IRAK1BP1: variants seen among roughly 807,000 people sequenced by gnomAD.
The protein encoded by IRAK1BP1 is interleukin-1 receptor-associated kinase 1-binding protein 1.
In IRAK1BP1, 24 loss-of-function variants were observed where a neutral mutation model predicts 28.0. The observed-to-expected ratio is 0.86, with a 90% confidence interval of 0.62 to 1.20. The LOEUF (loss-of-function observed/expected upper bound fraction) is 1.20. Ranked by LOEUF, IRAK1BP1 falls within the 50% of genes most tolerant of loss-of-function variation. The pLI, the probability that IRAK1BP1 is intolerant of heterozygous loss-of-function variation, is 0.00. For synonymous variants in IRAK1BP1, 131 were observed against 116.3 expected, an observed-to-expected ratio of 1.13 and a Z score of -0.81; for missense variants, 336 against 316.7, an observed-to-expected ratio of 1.06 and a Z score of -0.46.
the IRAK1BP1 span, chr6:78,970,180 G>A: frequency 6.2e-7 from 1 of 1,608,632 alleles, no homozygotes; most frequent in African/African-American, 1.3e-5. Context: ...GTTCCTGAGA[G>A]AGACAGAGAA....
At chr6:78,948,699 G>A (rs932209728), downstream of IRAK1BP1, among the ~76,000 whole-genome samples, 1 of 152,084 alleles carries the variant, frequency 6.6e-6, no homozygotes, top group African/African-American at 2.4e-5. Flanking sequence ...TTAGCATGTT[G>A]CTGAGACTGG....
chr6:78,954,605 T>A, the IRAK1BP1 span, among the ~76,000 whole-genome samples: 3 of 152,166 alleles, frequency 2.0e-5, no homozygotes, highest in South Asian at 2.1e-4. Context: ...AATAACCCAA[T>A]TCTTACAGTG....
At chr6:78,918,304 A>C (rs1466782303) in intron 4 of IRAK1BP1, among the ~76,000 whole-genome samples, 1 of 152,076 alleles carries the variant, frequency 6.6e-6, no homozygotes, top group Admixed American at 6.5e-5. Context: ...CTCAAAAAAA[A>C]ATTATTTTTA....
At chr6:78,946,134 T>C in exon 5 of IRAK1BP1, 1 of 1,614,094 alleles carries the variant, frequency 6.2e-7, no homozygotes. Flanking sequence ...CAGAACTAGA[T>C]TCTGTTTTAC....
At chr6:78,876,101 G>C (rs955320153) in intron 1 of IRAK1BP1, among the ~76,000 whole-genome samples, 3 of 152,020 alleles carry the variant, frequency 2.0e-5, no homozygotes, top group Middle Eastern at 3.4e-3. Flanking sequence ...ATGTGTCAAG[G>C]GGGGGATCTG....
intron 1 of IRAK1BP1, among the ~76,000 whole-genome samples, chr6:78,869,533 ATAAAT>A (rs1331981107): frequency 6.6e-6 from 1 of 152,194 alleles, no homozygotes; most frequent in Admixed American, 6.5e-5. Context: ...TAGTAAGTAA[ATAAAT>A]TAACTAAGTC....
At chr6:78,908,492 C>G (rs1376207248) in intron 4 of IRAK1BP1, among the ~76,000 whole-genome samples, 1 of 152,046 alleles carries the variant, frequency 6.6e-6, no homozygotes, top group East Asian at 1.9e-4. Context: ...AAGACTCAAC[C>G]AACACACCTG....
chr6:78,972,795 G>C, the IRAK1BP1 span, among the ~76,000 whole-genome samples: 2 of 152,134 alleles, frequency 1.3e-5, no homozygotes, highest in Non-Finnish European at 2.9e-5. Flanking sequence ...AAGATGAAAT[G>C]AATGAAATGA....
chr6:78,894,140 T>G (rs928893662), intron 2 of IRAK1BP1, among the ~76,000 whole-genome samples: 1 of 152,074 alleles, frequency 6.6e-6, no homozygotes, highest in Non-Finnish European at 1.5e-5. Flanking sequence ...GAGTTACGGC[T>G]AATAAGTCAA....
At chr6:78,947,602 G>A (rs370407399), downstream of IRAK1BP1, 29 of 1,215,370 alleles carry the variant, frequency 2.4e-5, no homozygotes, top group African/African-American at 3.6e-4. Context: ...AGTCATAAAA[G>A]AAAATAATGT....
Position 78,883,755 on chromosome 6 carries a change from C to T in IRAK1BP1, c.316-1623C>T, listed in dbSNP as rs756631953. Among the ~76,000 whole-genome samples the T allele has an allele frequency of 6.6e-5, 10 of 152,228 alleles. No homozygotes were observed. The Middle Eastern group carries it at 0.014, about 207-fold the overall frequency. ...TTAAATGTAAAATTCCAGAAATAAT[C>T]CATAAGTTTAAAATTGTACACCATT... is the stretch of plus-strand genomic sequence containing the variant. On this transcript the variant is annotated intron_variant, in intron 1 of 3. Coordinates refer to ENST00000369940, the MANE Select transcript of IRAK1BP1 (RefSeq NM_001010844.4).
At chr6:78,948,009 TA>T (rs1055673953), downstream of IRAK1BP1, among the ~76,000 whole-genome samples, 1 of 152,110 alleles carries the variant, frequency 6.6e-6, no homozygotes, top group Non-Finnish European at 1.5e-5. Context: ...CAGAAGTTAT[TA>T]ATTTTTCACT....
At chr6:78,909,023 G>A (rs1772336838) in intron 4 of IRAK1BP1, among the ~76,000 whole-genome samples, 1 of 152,178 alleles carries the variant, frequency 6.6e-6, no homozygotes, top group African/African-American at 2.4e-5. Context: ...AGGAGTAATA[G>A]CATGAAAGGC....
intron 4 of IRAK1BP1, among the ~76,000 whole-genome samples, chr6:78,911,917 A>T (rs1207799932): frequency 6.6e-6 from 1 of 152,158 alleles, no homozygotes; most frequent in Non-Finnish European, 1.5e-5. Context: ...TTGTCTCTGT[A>T]CCTAGTACAG....
At chr6:78,945,276 T>G (rs745460278) in intron 4 of IRAK1BP1, 10 of 1,512,282 alleles carry the variant, frequency 6.6e-6, no homozygotes, top group Non-Finnish European at 9.2e-6. Context: ...TACTGTATCT[T>G]GAAAGATACA....
intron 2 of IRAK1BP1, among the ~76,000 whole-genome samples, chr6:78,892,521 T>A (rs1462834270): frequency 6.6e-6 from 1 of 152,194 alleles, no homozygotes; most frequent in African/African-American, 2.4e-5. Context: ...TTACATTTAT[T>A]TATATGAAAT....
intron 4 of IRAK1BP1, among the ~76,000 whole-genome samples, chr6:78,917,466 A>T (rs1283535453): frequency 6.6e-6 from 1 of 152,090 alleles, no homozygotes; most frequent in African/African-American, 2.4e-5. Flanking sequence ...GAAAGAGAAA[A>T]TGTAAACAAT....
intron 4 of IRAK1BP1, among the ~76,000 whole-genome samples, chr6:78,930,641 A>G (rs1003917397): frequency 7.2e-5 from 11 of 152,172 alleles, no homozygotes; most frequent in African/African-American, 2.4e-4. Flanking sequence ...GAGAAATACA[A>G]CTGTGTGGCT....
intron 2 of IRAK1BP1, among the ~76,000 whole-genome samples, chr6:78,896,401 A>T (rs555763833): frequency 6.6e-6 from 1 of 152,266 alleles, no homozygotes; most frequent in East Asian, 1.9e-4. Flanking sequence ...AAGGAACAAA[A>T]ATATTATGCA....
Sources: allele counts gnomAD v4.1 joint callset (sites outside exome capture counted in the v4.1 genomes callset), GRCh38; gene constraint gnomAD v4.1.1; transcripts MANE v1.5; gene names NCBI Gene and HGNC (gene_info 2026-07-23, HGNC 2026-07-21).